GPC5: variants seen among roughly 807,000 people sequenced by gnomAD.
GPC5 encodes glypican-5.
A neutral mutation model predicts 53.9 loss-of-function variants in GPC5; 47 were observed. That is an observed-to-expected ratio of 0.87 (90% confidence interval 0.69 to 1.11). GPC5 has a LOEUF of 1.11. Ranked by LOEUF, GPC5 falls within the 50% of genes most tolerant of loss-of-function variation. The pLI is 0.00. For missense variants in GPC5, 748 were observed against 713.1 expected (o/e 1.05, Z -0.56); for synonymous variants, 286 against 263.3 (o/e 1.09, Z -0.84).
At chr13:92,248,642 A>G (rs550772537) in intron 7 of GPC5, among the ~76,000 whole-genome samples, 32 of 152,256 alleles carry the variant, frequency 2.1e-4, no homozygotes, top group African/African-American at 7.5e-4. Flanking sequence ...AACAATTATT[A>G]TTTCTCCATT....
At chr13:92,225,875 C>A (rs958379726) in intron 7 of GPC5, among the ~76,000 whole-genome samples, 6 of 152,094 alleles carry the variant, frequency 3.9e-5, no homozygotes, top group African/African-American at 1.4e-4. Flanking sequence ...CGTCAAGATC[C>A]TGAATAAAAT....
rs1280632585 is a variant in GPC5, at chr13:91,736,302, A to AT, written c.1154+7638dup. ...TATAGGTGTGTTTATATATGCATAC[A>AT]TATTAACACACACAATTATTTTAAA... On this transcript the variant is annotated intron_variant, in intron 4 of 7. Coordinates refer to ENST00000377067, the MANE Select transcript of GPC5 (RefSeq NM_004466.6). 1.3e-5 allele frequency among the ~76,000 whole-genome samples: 2 copies of AT among 151,484 alleles called. 1 individual carries two copies. Among genetic ancestry groups the AT allele is most frequent in the Admixed American group, 1.3e-4 (2 of 15,248 alleles).
intron 7 of GPC5, among the ~76,000 whole-genome samples, chr13:92,266,848 C>A (rs1173618383): frequency 1.3e-5 from 2 of 151,770 alleles, no homozygotes; most frequent in Non-Finnish European, 2.9e-5. Context: ...CATCAGTGAC[C>A]AGACATCTAT....
At chr13:91,667,308 G>C (rs1267558680) in intron 2 of GPC5, among the ~76,000 whole-genome samples, 1 of 152,168 alleles carries the variant, frequency 6.6e-6, no homozygotes, top group Non-Finnish European at 1.5e-5. Flanking sequence ...ATATGTATGT[G>C]TGTGTGGGTA....
intron 6 of GPC5, among the ~76,000 whole-genome samples, chr13:92,116,020 A>G (rs1594769355): frequency 6.6e-6 from 1 of 152,098 alleles, no homozygotes; most frequent in East Asian, 1.9e-4. Flanking sequence ...GGAGGCTGAG[A>G]TGGGAGAATC....
intron 7 of GPC5, among the ~76,000 whole-genome samples, chr13:92,562,139 A>T (rs947987866): frequency 6.6e-6 from 1 of 152,096 alleles, no homozygotes; most frequent in African/African-American, 2.4e-5. Context: ...AGGTCCAAAC[A>T]TGTAACACAG....
In GPC5 at chr13:91,831,056, A is replaced by G. The variant is rs368944455; in HGVS notation, c.1280+74636A>G. Among the ~76,000 whole-genome samples the G allele has an allele frequency of 4.8e-3, 670 of 139,212 alleles. 1 individual carries two copies. Among genetic ancestry groups the G allele is most frequent in the Admixed American group, 7.5e-3 (96 of 12,734 alleles). The allele number at this position is 139,212 out of a possible 152,430, so 91.3% of individuals were successfully genotyped here. A position where few individuals can be genotyped will look rare whatever the true frequency, so the allele number is the denominator to read the frequency against. On this transcript the variant is annotated intron_variant, in intron 5 of 7. Transcript: ENST00000377067. Reference sequence around the variant, plus strand: ...CTATTATATATATTATATATATCCTATTTATATATATCCTATTATTATATA... The same window carrying G: ...CTATTATATATATTATATATATCCTGTTTATATATATCCTATTATTATATA...
intron 7 of GPC5, among the ~76,000 whole-genome samples, chr13:92,657,455 G>A (rs2139177555): frequency 6.6e-6 from 1 of 152,114 alleles, no homozygotes; most frequent in East Asian, 1.9e-4. Flanking sequence ...ATCCCAGGGT[G>A]CAAGAATAAG....
intron 7 of GPC5, among the ~76,000 whole-genome samples, chr13:92,694,309 G>A (rs778771390): frequency 6.6e-6 from 1 of 152,110 alleles, no homozygotes. Context: ...TGAGAAAGGG[G>A]CCACCATCCT....
intron 7 of GPC5, among the ~76,000 whole-genome samples, chr13:92,706,247 T>A (rs1174129780): frequency 1.3e-5 from 2 of 152,198 alleles, no homozygotes; most frequent in Admixed American, 6.6e-5. Context: ...ATGTCATACG[T>A]AATCAGTTAT....
chr13:92,190,870 C>T (rs2042218487), intron 7 of GPC5, among the ~76,000 whole-genome samples: 1 of 152,058 alleles, frequency 6.6e-6, no homozygotes, highest in South Asian at 2.1e-4. Context: ...CCAACTGTAT[C>T]AATAATCACC....
At chr13:91,572,607 A>G (rs1344219146) in intron 2 of GPC5, among the ~76,000 whole-genome samples, 1 of 152,000 alleles carries the variant, frequency 6.6e-6, no homozygotes, top group Non-Finnish European at 1.5e-5. Context: ...GAACTAACAG[A>G]GCAAGAATGA....
At chr13:92,206,160 T>A (rs202078117) in intron 7 of GPC5, among the ~76,000 whole-genome samples, 140 of 50,038 alleles carry the variant, frequency 2.8e-3, no homozygotes, top group South Asian at 7.1e-3. Flanking sequence ...TTTTTATTTT[T>A]TTTTTTATTT....
At chr13:91,897,814 G>A (rs1046985719) in intron 5 of GPC5, among the ~76,000 whole-genome samples, 3 of 152,036 alleles carry the variant, frequency 2.0e-5, no homozygotes, top group African/African-American at 4.8e-5. Context: ...TTATCTGCTG[G>A]TAAAGTGCTC....
intron 7 of GPC5, among the ~76,000 whole-genome samples, chr13:92,202,461 G>A (rs926506037): frequency 6.6e-6 from 1 of 152,152 alleles, no homozygotes; most frequent in Non-Finnish European, 1.5e-5. Flanking sequence ...TATAGACTAC[G>A]GTTATAATTC....
At chr13:92,414,883 G>A (rs945323783) in intron 7 of GPC5, among the ~76,000 whole-genome samples, 3 of 152,100 alleles carry the variant, frequency 2.0e-5, no homozygotes, top group Non-Finnish European at 4.4e-5. Context: ...TTTTGACCTT[G>A]TTACCTCCCA....
intron 4 of GPC5, among the ~76,000 whole-genome samples, chr13:91,751,853 C>T (rs932997294): frequency 4.7e-4 from 72 of 152,182 alleles, no homozygotes; most frequent in Non-Finnish European, 3.8e-4. Context: ...CTTTCTAATG[C>T]TCACTGTACA....
intron 7 of GPC5, among the ~76,000 whole-genome samples, chr13:92,608,361 G>A (rs1222781228): frequency 2.0e-5 from 3 of 152,160 alleles, no homozygotes; most frequent in African/African-American, 7.2e-5. Flanking sequence ...GACCAACTGA[G>A]CTTGGAATAT....
chr13:91,427,821 T>G (rs1394789180), intron 1 of GPC5, among the ~76,000 whole-genome samples: 1 of 152,038 alleles, frequency 6.6e-6, no homozygotes, highest in African/African-American at 2.4e-5. Context: ...TGGGGGGAAG[T>G]GATTAGGTTA....
Sources: allele counts gnomAD v4.1 joint callset (sites outside exome capture counted in the v4.1 genomes callset), GRCh38; gene constraint gnomAD v4.1.1; transcripts MANE v1.5; gene names NCBI Gene and HGNC (gene_info 2026-07-23, HGNC 2026-07-21).